Variants in LTBP1 observed in about 807,000 individuals in gnomAD.
The protein encoded by LTBP1 is latent transforming growth factor beta binding protein 1, also known as latent-transforming growth factor beta-binding protein 1.
A neutral mutation model predicts 207.6 loss-of-function variants in LTBP1; 129 were observed. The observed-to-expected ratio is 0.62, with a 90% CI of 0.54 to 0.72. The LOEUF (loss-of-function observed/expected upper bound fraction) is 0.72. LTBP1 is among the 30% of genes least tolerant of loss of function. The pLI is 0.00. For missense variants in LTBP1, 2,281 were observed against 2,217.2 expected, an observed-to-expected ratio of 1.03 and a Z score of -0.58; for synonymous variants, 963 against 833.7, an observed-to-expected ratio of 1.16 and a Z score of -2.67.
At chr2:33,115,637 T>A (rs977726740) in intron 4 of LTBP1, among the ~76,000 whole-genome samples, 1 of 152,006 alleles carries the variant, frequency 6.6e-6, no homozygotes, top group Non-Finnish European at 1.5e-5. Context: ...GGGGTAGGGG[T>A]GGGGGTCTGC....
intron 26 of LTBP1, among the ~76,000 whole-genome samples, chr2:33,349,711 A>C (rs2149802210): frequency 6.6e-6 from 1 of 152,344 alleles, no homozygotes; most frequent in East Asian, 1.9e-4. Flanking sequence ...CTTTTACTGA[A>C]TCAACTTTAT....
At chr2:33,059,812 CAA>C (rs1163624108) in intron 3 of LTBP1, among the ~76,000 whole-genome samples, 4 of 152,082 alleles carry the variant, frequency 2.6e-5, no homozygotes, top group Non-Finnish European at 5.9e-5. Context: ...TTTCAGCTGA[CAA>C]AGAGAAATGG....
chr2:33,363,416 C>T lies in LTBP1; in HGVS notation c.4297C>T (p.Gln1433Ter), dbSNP rs1559070825. The T allele has an allele frequency of 6.2e-7, 1 of 1,613,704 alleles. No homozygotes were observed. The highest frequency in any genetic ancestry group is 8.5e-7 in the Non-Finnish European group (1 of 1,179,760). Residue 1433 changes from glutamine to a stop codon, truncating the protein, a stop_gained, in exon 29 of 34, where the codon CAA (glutamine) becomes TAA (stop). Transcript: ENST00000404816. LOFTEE classifies it high-confidence loss of function. ...KDADECLLFG[Q>*]EICKNGFCLN... ...TGCAGATGAATGCCTACTTTTTGGA[C>T]AAGAAATCTGCAAAAATGGTTTCTG...
At chr2:33,390,539 A>G (rs2095306369) in intron 32 of LTBP1, among the ~76,000 whole-genome samples, 1 of 151,394 alleles carries the variant, frequency 6.6e-6, no homozygotes, top group East Asian at 1.9e-4. Flanking sequence ...CCCAGGCTGG[A>G]GTGCAGTGCC....
intron 2 of LTBP1, among the ~76,000 whole-genome samples, chr2:32,986,953 C>T (rs1439515090): frequency 6.6e-6 from 1 of 152,116 alleles, no homozygotes; most frequent in Non-Finnish European, 1.5e-5. Flanking sequence ...ATCACCTGGC[C>T]AGTGGTTTGT....
intron 2 of LTBP1, 120 bp downstream of exon 2, chr2:32,949,065 A>G (rs1676709681): frequency 1.1e-6 from 1 of 939,184 alleles, no homozygotes; most frequent in Admixed American, 1.9e-5. Flanking sequence ...TCTGAAATAC[A>G]ATCCACCCAG....
chr2:32,959,597 GTATATATATATA>G (rs71407487), intron 2 of LTBP1, among the ~76,000 whole-genome samples: 1 of 58,318 alleles, frequency 1.7e-5, no homozygotes, highest in African/African-American at 6.0e-5. Context: ...ATATGTACGT[GTATATATATATA>G]TATATATATA....
At chr2:33,315,097 T>A in intron 23 of LTBP1, 47 bp from the exon 24 acceptor site, 1 of 1,527,934 alleles carries the variant, frequency 6.5e-7, no homozygotes, top group Non-Finnish European at 8.8e-7. Flanking sequence ...TATATGGGAA[T>A]GAAACCGATT....
intron 2 of LTBP1, among the ~76,000 whole-genome samples, chr2:32,969,074 C>G (rs1372838057): frequency 6.6e-6 from 1 of 151,700 alleles, no homozygotes; most frequent in African/African-American, 2.4e-5. Context: ...TACAGGTGCC[C>G]GCCACCATGC....
intron 7 of LTBP1, among the ~76,000 whole-genome samples, chr2:33,208,589 T>C (rs2090053200): frequency 6.6e-6 from 1 of 152,150 alleles, no homozygotes; most frequent in Non-Finnish European, 1.5e-5. Context: ...TGGAATCTAA[T>C]GTATCAACCT....
rs763009673 is a variant in LTBP1 at position 32,947,659 on chromosome 2, C to T, written c.335C>T (p.Ala112Val). ...CCGCCGCCGGAGCCTGCGCGTCCCG[C>T]GGTCCCCGGCGGGCAGCTCCACCCC... ...PPPPPEPARP[A>V]VPGGQLHPNP... Residue 112 changes from alanine (A) to valine (V), a missense_variant, in exon 1 of 34, where the codon GCG becomes GTG. Physicochemically the swap from Ala to Val is moderately conservative, Grantham distance 64 (BLOSUM62 0). Around this residue, in one of 3 missense-constraint regions of LTBP1, gnomAD observed 555 missense variants for 491.0 expected, o/e 1.13. Coordinates refer to ENST00000404816, the MANE Select transcript of LTBP1 (RefSeq NM_206943.4). 3 of 1,418,648 alleles carry T rather than the reference C, an allele frequency of 2.1e-6. No individual in the cohort carries two copies. Among genetic ancestry groups the T allele is most frequent in the Middle Eastern group, 2.1e-4 (1 of 4,838 alleles). 87.9% of individuals were successfully genotyped at this position (1,418,648 alleles called of 1,614,324 possible). A position where few individuals can be genotyped will look rare whatever the true frequency, so the allele number is the denominator to read the frequency against.
intron 3 of LTBP1, among the ~76,000 whole-genome samples, chr2:33,073,404 T>G (rs535970318): frequency 6.6e-6 from 1 of 152,302 alleles, no homozygotes; most frequent in South Asian, 2.1e-4. Context: ...GTGTGCACTT[T>G]CAATATTGTA....
At chr2:32,955,634 T>C (rs1382890399) in intron 2 of LTBP1, among the ~76,000 whole-genome samples, 1 of 152,014 alleles carries the variant, frequency 6.6e-6, no homozygotes, top group Admixed American at 6.6e-5. Flanking sequence ...CCACAAATTT[T>C]TTTTAATTAC....
intron 15 of LTBP1, among the ~76,000 whole-genome samples, chr2:33,269,221 A>G (rs1297881354): frequency 6.6e-6 from 1 of 152,230 alleles, no homozygotes; most frequent in Non-Finnish European, 1.5e-5. Context: ...ATTTAATTTT[A>G]GAAAATAGAG....
chr2:33,103,632 T>TGTGTGTGTGTGTGTGTG (rs200334066), intron 3 of LTBP1, among the ~76,000 whole-genome samples: 5 of 149,402 alleles, frequency 3.3e-5, no homozygotes, highest in African/African-American at 4.9e-5. Context: ...TGTGTGAGTG[T>TGTGTGTGTGTGTGTGTG]TATGCTGCCA....
intron 32 of LTBP1, 26 bp from the exon 33 acceptor site, chr2:33,397,107 C>T: frequency 1.2e-6 from 2 of 1,607,362 alleles, no homozygotes; most frequent in East Asian, 4.5e-5. Flanking sequence ...GAAGCTCTAA[C>T]TTAGCTTCTG....
At chr2:33,294,617 C>T (rs1250259225) in intron 20 of LTBP1, among the ~76,000 whole-genome samples, 5 of 131,718 alleles carry the variant, frequency 3.8e-5, no homozygotes, top group Admixed American at 8.7e-5. Flanking sequence ...CTTGCTCTGT[C>T]GCCCAGGCTA....
intron 19 of LTBP1, among the ~76,000 whole-genome samples, chr2:33,282,989 G>C (rs1349930140): frequency 6.6e-6 from 1 of 151,082 alleles, no homozygotes; most frequent in Non-Finnish European, 1.5e-5. Flanking sequence ...CTTGAACCTG[G>C]GAGGCGGAGG....
chr2:33,186,824 C>A, intron 5 of LTBP1, 32 bp from the exon 6 acceptor site: 2 of 1,560,314 alleles, frequency 1.3e-6, no homozygotes. Flanking sequence ...AGAGACTAAC[C>A]AACTCTCCAT....
Sources: gnomAD v4.1 joint callset for allele counts (sites outside exome capture counted in the v4.1 genomes callset) on GRCh38, gnomAD v4.1.1 for gene constraint, gnomAD v4.1.1 regional missense constraint, MANE v1.5 for transcripts, NCBI Gene and HGNC (gene_info 2026-07-23, HGNC 2026-07-21) for gene names.